ARHGAP15: variants seen among roughly 807,000 people sequenced by gnomAD.
ARHGAP15 encodes rho GTPase-activating protein 15.
Under a neutral mutation model 63.7 loss-of-function variants are expected in ARHGAP15, and 51 were observed. That is an observed-to-expected ratio of 0.80 (90% CI 0.64 to 1.01). ARHGAP15 has a LOEUF of 1.01. Among genes scored for constraint, ARHGAP15 ranks in the 50% least tolerant of loss-of-function variants. The pLI, the probability that ARHGAP15 is intolerant of heterozygous loss-of-function variation, is 0.00. For missense variants in ARHGAP15, 560 were observed against 564.6 expected (o/e 0.99, Z 0.08); for synonymous variants, 191 against 193.8 (o/e 0.99, Z 0.12).
At chr2:143,182,230 T>A (rs1333995065) in intron 2 of ARHGAP15, among the ~76,000 whole-genome samples, 1 of 152,146 alleles carries the variant, frequency 6.6e-6, no homozygotes. Flanking sequence ...CCCAAATTGC[T>A]GGAATTAAGT....
intron 13 of ARHGAP15, among the ~76,000 whole-genome samples, chr2:143,749,760 ATATTT>A (rs754198708): frequency 1.3e-5 from 2 of 152,222 alleles, no homozygotes; most frequent in Non-Finnish European, 2.9e-5. Flanking sequence ...CTCTATTATT[ATATTT>A]TATGATTAAC....
intron 1 of ARHGAP15, among the ~76,000 whole-genome samples, chr2:143,140,451 GA>G (rs1292277857): frequency 1.3e-5 from 2 of 152,026 alleles, no homozygotes; most frequent in African/African-American, 2.4e-5. Context: ...ATGAAGCAAA[GA>G]AAAACAGCAA....
At chr2:143,470,798 A>G (rs901375880) in intron 8 of ARHGAP15, among the ~76,000 whole-genome samples, 1 of 77,602 alleles carries the variant, frequency 1.3e-5, no homozygotes, top group African/African-American at 4.1e-5. Context: ...ACAGGTTGGC[A>G]TATATATATA....
Position 143,534,942 on chromosome 2 carries a change from C to CA in ARHGAP15, c.925+15579dup, listed in dbSNP as rs527659359. Among the ~76,000 whole-genome samples the CA allele has an allele frequency of 1.7e-3, 258 of 152,000 alleles. 1 individual carries two copies. The highest frequency in any genetic ancestry group is 6.0e-3 in the African/African-American group (250 of 41,490). ...TGAATTTAGGAACCTCAGTTTAGAG[C>CA]ATTGTACTCACCTGAAAGAAAAATT... is the stretch of plus-strand genomic sequence containing the variant. On this transcript the variant is annotated intron_variant, in intron 10 of 13. Transcript: ENST00000295095.
In ARHGAP15 at chr2:143,717,443, C is replaced by A. The variant is rs1036312377; in HGVS notation, c.1244+13919C>A. 5.3e-5 allele frequency among the ~76,000 whole-genome samples: 8 copies of A among 152,310 alleles called. No homozygotes were observed. The East Asian group carries it at 1.4e-3, about 26-fold the overall frequency. On this transcript the variant is annotated intron_variant, in intron 13 of 13. Coordinates refer to ENST00000295095, the MANE Select transcript of ARHGAP15 (RefSeq NM_018460.4). ...TGCCCATAGGAATTCCAGGACAAACCTAAGTCCTCACTGCTTTCTGCCTGT... is the reference window on the plus strand; with the variant it reads ...TGCCCATAGGAATTCCAGGACAAACATAAGTCCTCACTGCTTTCTGCCTGT...
At chr2:143,146,743 G>C (rs181070204) in intron 1 of ARHGAP15, among the ~76,000 whole-genome samples, 1 of 152,018 alleles carries the variant, frequency 6.6e-6, no homozygotes. Context: ...TATAGTTATT[G>C]TCCTTCACAA....
At chr2:143,693,559 A>G (rs1683708840) in intron 12 of ARHGAP15, among the ~76,000 whole-genome samples, 1 of 152,102 alleles carries the variant, frequency 6.6e-6, no homozygotes, top group African/African-American at 2.4e-5. Context: ...GGATTTGTTC[A>G]TTTTTTCTCC....
rs10593584 is a variant in ARHGAP15 at position 143,393,726 on chromosome 2, TAAAA to T, written c.475-41850_475-41847del. ...CTGGGTGACAGAGCGAGACTCTGTCTAAAAAAAAAAAAAAAAAAAAAAAAAAAAG... is the reference window on the plus strand; with the variant it reads ...CTGGGTGACAGAGCGAGACTCTGTCTAAAAAAAAAAAAAAAAAAAAAAAAG... On this transcript the variant is annotated intron_variant, in intron 6 of 13. Transcript: ENST00000295095. Among the ~76,000 whole-genome samples, 141 of 61,466 alleles carry T rather than the reference TAAAA, an allele frequency of 2.3e-3. 1 individual carries two copies. Among genetic ancestry groups the T allele is most frequent in the Middle Eastern group, 0.013 (1 of 78 alleles). The allele number at this position is 61,466 out of a possible 152,430, so 40.3% of individuals were successfully genotyped here.
At chr2:143,410,360 T>C (rs1688390842) in intron 6 of ARHGAP15, among the ~76,000 whole-genome samples, 1 of 152,122 alleles carries the variant, frequency 6.6e-6, no homozygotes, top group Non-Finnish European at 1.5e-5. Context: ...ATGTAAAAAA[T>C]GTGCTTAATA....
intron 6 of ARHGAP15, among the ~76,000 whole-genome samples, chr2:143,402,394 A>G (rs1296152856): frequency 1.3e-5 from 2 of 151,920 alleles, no homozygotes; most frequent in Non-Finnish European, 2.9e-5. Flanking sequence ...AGTTGGAAAA[A>G]TAGACAACAG....
intron 13 of ARHGAP15, among the ~76,000 whole-genome samples, chr2:143,743,073 G>C (rs1686022946): frequency 6.6e-6 from 1 of 152,192 alleles, no homozygotes; most frequent in Non-Finnish European, 1.5e-5. Flanking sequence ...AGCGGCGACT[G>C]AGGAAAAAGA....
chr2:143,738,082 A>C (rs956538986), intron 13 of ARHGAP15, among the ~76,000 whole-genome samples: 9 of 150,918 alleles, frequency 6.0e-5, no homozygotes, highest in Admixed American at 4.6e-4. Context: ...AAACCTGAGA[A>C]GCATCGGCAG....
intron 5 of ARHGAP15, among the ~76,000 whole-genome samples, chr2:143,242,242 C>T (rs1574141119): frequency 1.3e-5 from 2 of 152,186 alleles, no homozygotes; most frequent in Admixed American, 6.5e-5. Context: ...TCTGGTATTC[C>T]AAGAAGGTGG....
rs941552423 is a variant in ARHGAP15, at chr2:143,504,956, C to A, written c.827-14310C>A. ...AACAGAAAGGCTGTTCTCCTCCCCA[C>A]CCTGCCTGCATGGTGCACCTGATTT... On this transcript the variant is annotated intron_variant, in intron 9 of 13. Transcript: ENST00000295095. Among the ~76,000 whole-genome samples the A allele has an allele frequency of 2.6e-5, 4 of 152,330 alleles. No homozygotes were observed. The South Asian group carries it at 8.3e-4, about 32-fold the overall frequency.
intron 3 of ARHGAP15, among the ~76,000 whole-genome samples, chr2:143,213,143 T>C (rs904022413): frequency 1.3e-5 from 2 of 152,200 alleles, no homozygotes; most frequent in African/African-American, 4.8e-5. Flanking sequence ...GCAGAGAAGC[T>C]GGCATTTAGA....
intron 6 of ARHGAP15, among the ~76,000 whole-genome samples, chr2:143,428,326 G>A (rs548353258): frequency 1.4e-3 from 214 of 152,052 alleles, no homozygotes; most frequent in African/African-American, 4.8e-3. Context: ...AGCAGCGGAA[G>A]TGCAGAGTGG....
chr2:143,435,361 C>T (rs956536126), intron 6 of ARHGAP15: 44 of 1,108,132 alleles, frequency 4.0e-5, no homozygotes, highest in Non-Finnish European at 4.7e-5. Flanking sequence ...CAGCTCTAGC[C>T]CTACTCTGAC....
At chr2:143,445,854 AAG>A (rs1160534718) in intron 8 of ARHGAP15, among the ~76,000 whole-genome samples, 6 of 152,174 alleles carry the variant, frequency 3.9e-5, no homozygotes, top group African/African-American at 1.4e-4. Context: ...ATAAAAGAAA[AAG>A]AAACTCTGTA....
intron 6 of ARHGAP15, among the ~76,000 whole-genome samples, chr2:143,356,019 A>T (rs1031111323): frequency 2.6e-5 from 4 of 152,022 alleles, no homozygotes; most frequent in African/African-American, 9.7e-5. Flanking sequence ...CACACACAAA[A>T]ATGGTCATTA....
Sources: gnomAD v4.1 joint callset for allele counts (sites outside exome capture counted in the v4.1 genomes callset) on GRCh38, gnomAD v4.1.1 for gene constraint, MANE v1.5 for transcripts, NCBI Gene and HGNC (gene_info 2026-07-23, HGNC 2026-07-21) for gene names.